MAN2C1: variants seen among roughly 807,000 people sequenced by gnomAD.
MAN2C1 encodes mannosidase alpha class 2C member 1, also known as alpha-mannosidase 2C1.
A neutral mutation model predicts 126.9 loss-of-function variants in MAN2C1; 111 were observed. The ratio of observed to expected loss-of-function variants is 0.87; its 90% CI spans 0.75 to 1.02. MAN2C1 has a LOEUF of 1.02. MAN2C1 is among the 50% of genes least tolerant of loss of function. The pLI is 0.00. For missense variants in MAN2C1, 1,363 were observed against 1,364.4 expected (o/e 1.00, Z 0.02); for synonymous variants, 567 against 561.5 (o/e 1.01, Z -0.14).
Position 75,356,206 on chromosome 15 carries a change from G to T in MAN2C1, c.2900C>A (p.Pro967His). 5 of 1,613,336 alleles carry T rather than the reference G, an allele frequency of 3.1e-6. No homozygotes were observed. In the East Asian group the frequency reaches 1.1e-4, roughly 36 times the overall value. The change falls in exon 25 of 26, where the codon CCC becomes CAC. Residue 967 changes from proline to histidine, a missense_variant. Around this residue, in one of 3 missense-constraint regions of MAN2C1, gnomAD observed 668 missense variants for 650.1 expected, o/e 1.03. Transcript: ENST00000267978. This position sits in a 1 kb window ranked among gnomAD's most constrained non-coding sequence, Gnocchi z 5.8. ...LETVKQAESS[P>H]QRRSLVLRLY... The stretch of plus-strand genomic sequence containing the variant: ...CCTCAGGACCAGCGAGCGGCGCTGG[G>T]GGCTGCTCTCCGCCTGCAGAGGAAC...
chr15:75,358,620 T>G lies in MAN2C1; in HGVS notation c.2247-2A>C. ...CCTGCCTGGCCCAGCACAGGCTTCC[T>G]ATGGGACAGGGGTGGACATACTGAT... On this transcript the variant is annotated splice_acceptor_variant, in intron 19 of 25. Transcript: ENST00000267978. LOFTEE classifies it high-confidence loss of function. The G allele has an allele frequency of 1.9e-6, 3 of 1,613,112 alleles. No homozygotes were observed. Among genetic ancestry groups the G allele is most frequent in the Non-Finnish European group, 2.5e-6 (3 of 1,179,802 alleles).
Position 75,356,990 on chromosome 15 carries a change from C to G in MAN2C1, c.2548-88G>C, listed in dbSNP as rs2072334628. The G allele has an allele frequency of 9.1e-7, 1 of 1,092,898 alleles. No individual in the cohort carries two copies. Among genetic ancestry groups the G allele is most frequent in the Non-Finnish European group, 1.4e-6 (1 of 732,202 alleles). The allele number at this position is 1,092,898 out of a possible 1,614,324, so 67.7% of individuals were successfully genotyped here. A position where few individuals can be genotyped will look rare whatever the true frequency, so the allele number is the denominator to read the frequency against. ...AGAGCTCCTGTCACTAGGCCGAGCA[C>G]AAGCTCTAGAACCACACAACTGAAC... On this transcript the variant is annotated intron_variant, in intron 21 of 25. Transcript: ENST00000267978. The surrounding 1 kb of genome is among the most constrained non-coding windows in gnomAD (Gnocchi z 5.8).
At position 75,359,121 on chromosome 15, in the gene MAN2C1, G is replaced by T; in HGVS notation, c.2079C>A (p.Ile693=). ...TDGSVTLDNG[I]IRVKLDPTGR... is the part of the protein sequence containing the mutation. ...CAGTTGGGTCCAGCTTCACTCGGAT[G>T]ATGCCATTGTCCAGAGTCACGGAGC... The change falls in exon 18 of 26, where the codon ATC becomes ATA. Residue 693 remains isoleucine, a synonymous_variant. Transcript: ENST00000267978. 1 of 1,614,048 alleles carries T rather than the reference G, an allele frequency of 6.2e-7. No individual in the cohort carries two copies. Among genetic ancestry groups the T allele is most frequent in the Non-Finnish European group, 8.5e-7 (1 of 1,180,018 alleles).
chr15:75,364,756 G>T (rs754934584), intron 4 of MAN2C1, 91 bp from the exon 5 acceptor site: 1 of 1,174,650 alleles, frequency 8.5e-7, no homozygotes. Context: ...ATCCAGCTGA[G>T]CCCAACCTGT....
At chr15:75,358,089 C>T (rs1162162216) in intron 21 of MAN2C1, 112 bp downstream of exon 21, 14 of 1,322,682 alleles carry the variant, frequency 1.1e-5, no homozygotes, top group Admixed American at 7.4e-5. Context: ...CTGGCACACA[C>T]GTTAGGAAGC....
intron 1 of MAN2C1, 90 bp from the exon 2 acceptor site, chr15:75,368,288 A>T (rs898024689): frequency 1.3e-6 from 2 of 1,514,840 alleles, no homozygotes; most frequent in African/African-American, 1.4e-5. Context: ...CTTTCCCTGG[A>T]TCCTCCGCCA....
Position 75,359,636 on chromosome 15 carries a change from G to A in MAN2C1, c.1932C>T (p.Gly644=), listed in dbSNP as rs759762809. 1.8e-5 allele frequency: 29 copies of A among 1,613,902 alleles called. No homozygotes were observed. The highest frequency in any genetic ancestry group is 6.7e-5 in the East Asian group (3 of 44,902). The stretch of plus-strand genomic sequence containing the variant: ...AGCTCGTACCTAGGCTGTGGGCCCC[G>A]CCCGGTTTGGGCAGGGCCATCACTT... ...RIEVMALPKP[G]GAHSLALVTV... is the part of the protein sequence containing the mutation. The change falls in exon 16 of 26, where the codon GGC becomes GGT. Residue 644 remains glycine (G), a synonymous_variant. Coordinates refer to ENST00000267978, the MANE Select transcript of MAN2C1 (RefSeq NM_006715.4).
chr15:75,356,064 C>A lies in MAN2C1; in HGVS notation c.2997-32G>T. ...AACAGGAGGGGCCATGAAGGCTCTG[C>A]GAGGGCGAGACTCGACCCCCGCCCC... On this transcript the variant is annotated intron_variant, in intron 25 of 25. Coordinates refer to ENST00000267978, the MANE Select transcript of MAN2C1 (RefSeq NM_006715.4). The surrounding 1 kb of genome is among the most constrained non-coding windows in gnomAD (Gnocchi z 5.8). The A allele has an allele frequency of 6.2e-7, 1 of 1,613,380 alleles. No homozygotes were observed.
intron 21 of MAN2C1, chr15:75,357,898 C>T (rs746313404): frequency 1.8e-5 from 6 of 337,464 alleles, no homozygotes; most frequent in East Asian, 1.4e-4. Flanking sequence ...GGATTACAGG[C>T]GTGAGTCACC....
intron 18 of MAN2C1, 24 bp downstream of exon 18, chr15:75,359,035 G>A: frequency 1.2e-6 from 2 of 1,612,752 alleles, no homozygotes; most frequent in Non-Finnish European, 1.7e-6. Flanking sequence ...CAGGCACTGG[G>A]AAAGGGCAAT....
intron 17 of MAN2C1, 32 bp downstream of exon 17, chr15:75,359,296 A>C (rs1201546913): frequency 6.3e-7 from 1 of 1,576,388 alleles, no homozygotes; most frequent in Non-Finnish European, 8.6e-7. Flanking sequence ...ATCCCAGCAC[A>C]GTTCCTGCCC....
In MAN2C1 at chr15:75,360,226, G is replaced by C. The variant is rs770143672; in HGVS notation, c.1585-15C>G. On this transcript the variant is annotated splice_polypyrimidine_tract_variant and intron_variant, in intron 13 of 25. Coordinates refer to ENST00000267978, the MANE Select transcript of MAN2C1 (RefSeq NM_006715.4). ...CCCTTCTTGATCTGAGCCCAGGATG[G>C]GAAGATTAGTCTGGAGCCTGCTTAG... is the stretch of plus-strand genomic sequence containing the variant. 2 of 1,605,598 alleles carry C rather than the reference G, an allele frequency of 1.2e-6. No individual in the cohort carries two copies. Among genetic ancestry groups the C allele is most frequent in the Non-Finnish European group, 1.7e-6 (2 of 1,179,846 alleles).
Position 75,367,636 on chromosome 15 carries a change from T to C in MAN2C1, c.228-2A>G, listed in dbSNP as rs1296011904. The stretch of plus-strand genomic sequence containing the variant: ...ACCCGGAACCAGCAGGTCCACCATC[T>C]GCAAGAGAGCTGTTGTGATAGGCCT... On this transcript the variant is annotated splice_acceptor_variant, in intron 2 of 25. Transcript: ENST00000267978. LOFTEE classifies it high-confidence loss of function. 1.9e-6 allele frequency: 3 copies of C among 1,614,170 alleles called. No homozygotes were observed. The highest frequency in any genetic ancestry group is 1.1e-5 in the South Asian group (1 of 91,086).
rs751102249 is a variant in MAN2C1 at position 75,361,584 on chromosome 15, C to T, written c.1218+20G>A. 2 of 1,586,438 alleles carry T rather than the reference C, an allele frequency of 1.3e-6. No homozygotes were observed. The highest frequency in any genetic ancestry group is 1.3e-5 in the African/African-American group (1 of 74,456). On this transcript the variant is annotated intron_variant, in intron 10 of 25. Transcript: ENST00000267978. The surrounding 1 kb of genome is among the most constrained non-coding windows in gnomAD (Gnocchi z 5.0). ...GGACTGAGGCCCACTCTGACCCTGA[C>T]CCCCCGGGGGCCTGCTTACTGGGAA...
At chr15:75,365,092 T>C (rs562025189) in intron 4 of MAN2C1, among the ~76,000 whole-genome samples, 33 of 152,312 alleles carry the variant, frequency 2.2e-4, no homozygotes, top group South Asian at 1.0e-3. Flanking sequence ...GCTGTGGTGA[T>C]GCCATACTTA....
rs147125794 is a variant in MAN2C1, at chr15:75,361,186, C to T, written c.1320G>A (p.Leu440=). ...TGTCCCGGTTGTTGGCCACGGTCTT[C>T]AGCACCTAGACAGGTGAGGGCAGGC... ...YGMQGSVEEV[L]KTVANNRDKG... is the part of the protein sequence containing the mutation. Residue 440 remains leucine, a synonymous_variant, in exon 12 of 26, where the codon CTG becomes CTA. Coordinates refer to ENST00000267978, the MANE Select transcript of MAN2C1 (RefSeq NM_006715.4). This position sits in a 1 kb window ranked among gnomAD's most constrained non-coding sequence, Gnocchi z 5.0. 50 of 1,612,132 alleles carry T rather than the reference C, an allele frequency of 3.1e-5. No homozygotes were observed. The African/African-American group carries it at 5.5e-4, about 18-fold the overall frequency.
intron 4 of MAN2C1, chr15:75,366,086 CA>C: frequency 1.2e-4 from 37 of 312,968 alleles, no homozygotes; most frequent in East Asian, 2.2e-4. Flanking sequence ...GACTTCGTCT[CA>C]AAAAAAAGAA....
At position 75,358,771 on chromosome 15, in the gene MAN2C1, C is replaced by T. The variant is rs1241438959; in HGVS notation, c.2179G>A (p.Val727Met). The T allele has an allele frequency of 2.5e-6, 4 of 1,613,748 alleles. No individual in the cohort carries two copies. Among genetic ancestry groups the T allele is most frequent in the Non-Finnish European group, 3.4e-6 (4 of 1,179,944 alleles). The stretch of plus-strand genomic sequence containing the variant: ...TACAAGGGGACATCATCAAATAGCA[C>T]AAACTGGTTCCCCACGGCGCCCTCA... ...IAEGAVGNQFVLFDDVPLYWD... is the reference protein window; with the variant it reads ...IAEGAVGNQFMLFDDVPLYWD... The change falls in exon 19 of 26, where the codon GTG becomes ATG. Residue 727 changes from valine (V) to methionine (M), a missense_variant. By Grantham distance (21) the Val-to-Met change is conservative. This residue lies in a region of MAN2C1 where 668 missense variants were observed against 650.1 expected (regional missense o/e 1.03). Coordinates refer to ENST00000267978, the MANE Select transcript of MAN2C1 (RefSeq NM_006715.4).
Position 75,360,142 on chromosome 15 carries a change from C to T in MAN2C1, c.1654G>A (p.Ala552Thr). The change falls in exon 14 of 26, where the codon GCC (alanine) becomes ACC (threonine). Residue 552 changes from alanine (A) to threonine (T), a missense_variant. This residue lies in a region of MAN2C1 where 668 missense variants were observed against 650.1 expected (regional missense o/e 1.03). Transcript: ENST00000267978. ...DVELLSSLAL[A>T]RSAQFLYPAA... ...GGGTATAGGAACTGGGCACTGCGGG[C>T]CAGGGCCAGGCTACTGAGCAGCTCC... 2 of 1,613,696 alleles carry T rather than the reference C, an allele frequency of 1.2e-6. No homozygotes were observed. Among genetic ancestry groups the T allele is most frequent in the Non-Finnish European group, 8.5e-7 (1 of 1,180,006 alleles).
Sources: gnomAD v4.1 joint callset for allele counts (sites outside exome capture counted in the v4.1 genomes callset) on GRCh38, gnomAD v4.1.1 for gene constraint, gnomAD v4.1.1 regional missense constraint, Gnocchi (gnomAD v3.1) non-coding constraint, MANE v1.5 for transcripts, NCBI Gene and HGNC (gene_info 2026-07-23, HGNC 2026-07-21) for gene names.